Variants in NBEA observed in about 807,000 individuals in gnomAD.
NBEA encodes the protein neurobeachin.
A neutral mutation model predicts 343.4 loss-of-function variants in NBEA; 44 were observed. That is an observed-to-expected ratio of 0.13 (90% CI 0.10 to 0.16). The LOEUF (loss-of-function observed/expected upper bound fraction) is 0.16. Ranked by LOEUF, NBEA falls within the 10% of genes least tolerant of loss-of-function variation. The pLI, the probability that NBEA is intolerant of heterozygous loss-of-function variation, is 1.00. For missense variants in NBEA, 2,555 were observed against 3,631.3 expected (o/e 0.70, Z 7.62); for synonymous variants, 1,175 against 1,238.7 (o/e 0.95, Z 1.08).
chr13:35,512,739 T>C (rs1219735314), intron 41 of NBEA, among the ~76,000 whole-genome samples: 1 of 152,178 alleles, frequency 6.6e-6, no homozygotes, highest in Non-Finnish European at 1.5e-5. Context: ...CTCATTCTAC[T>C]CCTATTTTTT....
chr13:35,295,429 A>G (rs1041747889), intron 35 of NBEA, among the ~76,000 whole-genome samples: 2 of 151,932 alleles, frequency 1.3e-5, no homozygotes, highest in Non-Finnish European at 1.5e-5. Context: ...CTTATCTGTG[A>G]TATAATGTCA....
rs908852136 is a variant in NBEA, at chr13:35,208,438, C to A, written c.5367-262C>A. On this transcript the variant is annotated intron_variant, in intron 31 of 58. Coordinates refer to ENST00000379939, the MANE Select transcript of NBEA (RefSeq NM_001385012.1). ...TATTCCCAGATTTATGATCACAGTCCATTTGCCATCTTAAGAAAGGTTTGC... is the reference window on the plus strand; with the variant it reads ...TATTCCCAGATTTATGATCACAGTCAATTTGCCATCTTAAGAAAGGTTTGC... Among the ~76,000 whole-genome samples, 4 of 152,134 alleles carry A rather than the reference C, an allele frequency of 2.6e-5. No homozygotes were observed. The South Asian group carries it at 8.3e-4, about 32-fold the overall frequency.
At chr13:35,431,207 C>T (rs1398198231) in intron 38 of NBEA, among the ~76,000 whole-genome samples, 2 of 151,900 alleles carry the variant, frequency 1.3e-5, no homozygotes, top group Admixed American at 6.6e-5. Flanking sequence ...ATGAGCAAAA[C>T]ATACATAGGT....
intron 38 of NBEA, among the ~76,000 whole-genome samples, chr13:35,373,575 C>T (rs1344717882): frequency 3.3e-5 from 5 of 151,560 alleles, no homozygotes; most frequent in Non-Finnish European, 5.9e-5. Context: ...CATGGTGGTG[C>T]ATGCCTGTAG....
At chr13:35,210,196 G>A in intron 32 of NBEA, among the ~76,000 whole-genome samples, 1 of 151,998 alleles carries the variant, frequency 6.6e-6, no homozygotes, top group South Asian at 2.1e-4. Context: ...AATATGGAAA[G>A]TGATGGTAGC....
chr13:35,636,599 T>G (rs1399409520), intron 49 of NBEA, among the ~76,000 whole-genome samples: 2 of 152,198 alleles, frequency 1.3e-5, no homozygotes, highest in East Asian at 3.9e-4. Flanking sequence ...TTCCTGCTCC[T>G]ACACCACCAC....
At chr13:35,424,259 C>G (rs2044497073) in intron 38 of NBEA, among the ~76,000 whole-genome samples, 1 of 152,066 alleles carries the variant, frequency 6.6e-6, no homozygotes, top group African/African-American at 2.4e-5. Flanking sequence ...CAGTTTTTGC[C>G]CATTCAGTAT....
chr13:35,370,291 T>C (rs1287536539), intron 38 of NBEA, among the ~76,000 whole-genome samples: 1 of 152,030 alleles, frequency 6.6e-6, no homozygotes, highest in East Asian at 1.9e-4. Context: ...AATGACCTTC[T>C]TTGTCTTTTG....
chr13:34,973,451 G>C (rs1275851749), intron 1 of NBEA, among the ~76,000 whole-genome samples: 2 of 152,194 alleles, frequency 1.3e-5, no homozygotes, highest in African/African-American at 2.4e-5. Flanking sequence ...TGGGAGCTCT[G>C]TCCCAGGAAG....
At chr13:35,038,395 A>G (rs1458495495) in intron 1 of NBEA, among the ~76,000 whole-genome samples, 1 of 152,036 alleles carries the variant, frequency 6.6e-6, no homozygotes, top group Non-Finnish European at 1.5e-5. Flanking sequence ...ATACAAGACA[A>G]AGTCCCCTTT....
chr13:35,295,811 T>G (rs1441191615), intron 35 of NBEA, among the ~76,000 whole-genome samples: 1 of 152,212 alleles, frequency 6.6e-6, no homozygotes, highest in Non-Finnish European at 1.5e-5. Context: ...GATGAAAATT[T>G]AATCAAAGAT....
chr13:35,098,949 C>CT (rs1233372594), intron 11 of NBEA, among the ~76,000 whole-genome samples: 2 of 151,722 alleles, frequency 1.3e-5, no homozygotes, highest in Non-Finnish European at 2.9e-5. Context: ...TTATTATCCA[C>CT]TAGGGGTCTT....
At chr13:35,086,750 G>A (rs1242673064) in intron 10 of NBEA, among the ~76,000 whole-genome samples, 1 of 151,822 alleles carries the variant, frequency 6.6e-6, no homozygotes. Flanking sequence ...TTCCATAGTG[G>A]TTGTATTAAT....
chr13:35,289,122 T>A (rs1348654985), intron 34 of NBEA, among the ~76,000 whole-genome samples: 1 of 151,864 alleles, frequency 6.6e-6, no homozygotes, highest in African/African-American at 2.4e-5. Flanking sequence ...ATATGCATGC[T>A]AGTGTCTAGA....
chr13:35,109,353 G>A lies in NBEA; in HGVS notation c.1744G>A (p.Asp582Asn). 1 of 1,612,418 alleles carries A rather than the reference G, an allele frequency of 6.2e-7. No individual in the cohort carries two copies. Among genetic ancestry groups the A allele is most frequent in the Non-Finnish European group, 8.5e-7 (1 of 1,179,082 alleles). Residue 582 changes from aspartate to asparagine, a missense_variant, in exon 12 of 59, where the codon GAT (aspartate) becomes AAT (asparagine). Around this residue, in one of 21 missense-constraint regions of NBEA, gnomAD observed 360 missense variants for 519.1 expected, o/e 0.69. Coordinates refer to ENST00000379939, the MANE Select transcript of NBEA (RefSeq NM_001385012.1). The part of the protein sequence containing the change: ...EQFLSFAKYL[D>N]GLSHGAPLLK... ...ATTTTTATCTTTTGCAAAATACCTT[G>A]ATGGTTTATCTCATGGAGCACCTTT... is the stretch of plus-strand genomic sequence containing the variant.
At chr13:35,470,312 GTGTACTTAAAATTTGTAA>G (rs2075587054) in intron 40 of NBEA, among the ~76,000 whole-genome samples, 1 of 152,130 alleles carries the variant, frequency 6.6e-6, no homozygotes, top group South Asian at 2.1e-4. Flanking sequence ...GTTCACGGAT[GTGTACTTAAAATTTGTAA>G]TGTATTTCAA....
At chr13:35,500,711 C>CTTTTTTTTTTT (rs34522325) in intron 41 of NBEA, among the ~76,000 whole-genome samples, 1 of 17,110 alleles carries the variant, frequency 5.8e-5, no homozygotes. Flanking sequence ...TTTCCTGGCT[C>CTTTTTTTTTTT]TTCTTTTTTT....
chr13:35,183,946 T>C (rs368460958), intron 29 of NBEA, 30 bp from the exon 30 acceptor site: 14 of 1,561,436 alleles, frequency 9.0e-6, no homozygotes, highest in Non-Finnish European at 3.5e-6. Flanking sequence ...ACATGCTGGC[T>C]CAAATTTGAT....
chr13:34,942,745 CG>C lies in NBEA; in HGVS notation c.-71del. ...GGGCTCCGAGGCGACGGCCGGGGGG[CG>C]GGGGCCGAGGCAGGTATAACGGTAC... On this transcript the variant is annotated 5_prime_UTR_variant, in exon 1 of 59. The change creates a premature stop within an existing upstream ORF in the 5' untranslated region. Transcript: ENST00000379939. 5 of 1,184,480 alleles carry C rather than the reference CG, an allele frequency of 4.2e-6. No individual in the cohort carries two copies. The highest frequency in any genetic ancestry group is 5.3e-6 in the Non-Finnish European group (5 of 940,528). 73.4% of individuals were successfully genotyped at this position (1,184,480 alleles called of 1,614,324 possible).
Sources: allele counts gnomAD v4.1 joint callset (sites outside exome capture counted in the v4.1 genomes callset), GRCh38; gene constraint gnomAD v4.1.1; regional missense constraint gnomAD v4.1.1; transcripts MANE v1.5; gene names NCBI Gene and HGNC (gene_info 2026-07-23, HGNC 2026-07-21).